IL1RAPL2: variants seen among roughly 807,000 people sequenced by gnomAD.
IL1RAPL2 encodes the protein interleukin 1 receptor accessory protein like 2.
A neutral mutation model predicts 44.1 loss-of-function variants in IL1RAPL2; 3 were observed. That is an observed-to-expected ratio of 0.07 (90% CI 0.03 to 0.18). The LOEUF (loss-of-function observed/expected upper bound fraction) is 0.18. Among genes scored for constraint, IL1RAPL2 ranks in the 10% least tolerant of loss-of-function variants. The probability of loss-of-function intolerance (pLI) is 1.00; values close to 1 mark genes in which losing one functional copy is unlikely to be tolerated. For synonymous variants in IL1RAPL2, 181 were observed against 178.8 expected (o/e 1.01, Z -0.10); for missense variants, 391 against 496.4 (o/e 0.79, Z 2.02).
intron 1 of IL1RAPL2, among the ~76,000 whole-genome samples, chrX:104,641,770 C>G (rs760200736): frequency 8.9e-6 from 1 of 111,910 alleles, no homozygotes; most frequent in African/African-American, 3.2e-5. Context: ...GTGGAATGCT[C>G]CCAGCTTGCT....
chrX:104,603,355 G>A (rs767539266), intron 1 of IL1RAPL2, among the ~76,000 whole-genome samples: 2 of 111,686 alleles, frequency 1.8e-5, no homozygotes, highest in South Asian at 3.8e-4. Flanking sequence ...AGAAACCAGT[G>A]CAAAATGGCT....
chrX:105,585,351 T>G (rs1602478067), intron 6 of IL1RAPL2, among the ~76,000 whole-genome samples: 1 of 110,058 alleles, frequency 9.1e-6, no homozygotes, highest in East Asian at 2.9e-4. Flanking sequence ...GGATGCAGTT[T>G]TTTTATTACT....
At chrX:104,897,822 G>A (rs1239783068) in intron 2 of IL1RAPL2, among the ~76,000 whole-genome samples, 2 of 111,999 alleles carry the variant, frequency 1.8e-5, no homozygotes, top group African/African-American at 6.5e-5. Flanking sequence ...ACTTTTATAA[G>A]TCAGATTCTA....
At chrX:105,689,690 C>T (rs1377068072) in intron 6 of IL1RAPL2, among the ~76,000 whole-genome samples, 1 of 112,024 alleles carries the variant, frequency 8.9e-6, no homozygotes, top group Non-Finnish European at 1.9e-5. Context: ...ACTAGAATTA[C>T]CATTTGACCC....
intron 6 of IL1RAPL2, among the ~76,000 whole-genome samples, chrX:105,574,861 T>C (rs2037039658): frequency 9.0e-6 from 1 of 111,154 alleles, no homozygotes; most frequent in African/African-American, 3.3e-5. Flanking sequence ...TTGCCAGATA[T>C]GTGGTGGGAA....
At chrX:105,560,998 G>A (rs779389169) in intron 6 of IL1RAPL2, among the ~76,000 whole-genome samples, 7 of 111,357 alleles carry the variant, frequency 6.3e-5, no homozygotes, top group Admixed American at 1.9e-4. Flanking sequence ...GAACATGGAG[G>A]ATATTACGTT....
At chrX:104,804,918 TAGAAG>T (rs1282262296) in intron 2 of IL1RAPL2, among the ~76,000 whole-genome samples, 1 of 111,993 alleles carries the variant, frequency 8.9e-6, no homozygotes, top group African/African-American at 3.2e-5. Flanking sequence ...AAGGCAATAA[TAGAAG>T]AGGTGTCATG....
intron 2 of IL1RAPL2, among the ~76,000 whole-genome samples, chrX:104,977,520 G>C (rs1177286009): frequency 1.8e-5 from 2 of 111,790 alleles, no homozygotes; most frequent in East Asian, 5.6e-4. Context: ...CATCGCCACT[G>C]TCTCACCATC....
intron 2 of IL1RAPL2, among the ~76,000 whole-genome samples, chrX:104,823,798 G>A (rs1921375269): frequency 8.9e-6 from 1 of 111,861 alleles, no homozygotes; most frequent in Non-Finnish European, 1.9e-5. Context: ...CTGAGACAAT[G>A]GTGTTTTCTA....
intron 2 of IL1RAPL2, among the ~76,000 whole-genome samples, chrX:104,868,640 G>A (rs1478585951): frequency 8.9e-6 from 1 of 112,329 alleles, no homozygotes; most frequent in Non-Finnish European, 1.9e-5. Context: ...TTCTGTGGCA[G>A]TAGAAATTTG....
intron 7 of IL1RAPL2, among the ~76,000 whole-genome samples, chrX:105,719,213 A>G (rs1336360009): frequency 4.5e-5 from 5 of 111,836 alleles, no homozygotes; most frequent in Non-Finnish European, 9.4e-5. Context: ...ATTTAACCAT[A>G]AAAAACGAAA....
intron 6 of IL1RAPL2, among the ~76,000 whole-genome samples, chrX:105,633,419 A>G (rs1384980000): frequency 8.9e-6 from 1 of 111,763 alleles, no homozygotes; most frequent in Admixed American, 9.5e-5. Flanking sequence ...GTCTAATTGC[A>G]TACTGATTTC....
At position 105,349,577 on chromosome X, in the gene IL1RAPL2, A is replaced by C. The variant is rs772160826; in HGVS notation, c.697+82036A>C. 7.2e-5 allele frequency among the ~76,000 whole-genome samples: 8 copies of C among 111,683 alleles called. No homozygotes were observed. The East Asian group carries it at 2.3e-3, about 32-fold the overall frequency. ...GATGACCCACTCATTCTATTTTGTA[A>C]TTTTCTTTTGAAAGGTTTGGGGCAG... On this transcript the variant is annotated intron_variant, in intron 5 of 10. Coordinates refer to ENST00000372582, the MANE Select transcript of IL1RAPL2 (RefSeq NM_017416.2).
intron 2 of IL1RAPL2, among the ~76,000 whole-genome samples, chrX:105,168,422 T>C (rs1444512630): frequency 2.7e-5 from 1 of 36,690 alleles, no homozygotes; most frequent in Admixed American, 5.4e-4. Flanking sequence ...GAGGTGTGTG[T>C]GTGTGTGTGT....
intron 2 of IL1RAPL2, among the ~76,000 whole-genome samples, chrX:104,931,994 AT>A (rs1924915673): frequency 1.7e-5 from 1 of 57,832 alleles, no homozygotes; most frequent in South Asian, 7.2e-4. Flanking sequence ...ATATATATAT[AT>A]ATTTTTTTTT....
chrX:105,163,039 T>C (rs1281348956), intron 2 of IL1RAPL2, among the ~76,000 whole-genome samples: 1 of 111,846 alleles, frequency 8.9e-6, no homozygotes, highest in Non-Finnish European at 1.9e-5. Context: ...CTTTAACTTC[T>C]AGATCAGCTA....
intron 6 of IL1RAPL2, among the ~76,000 whole-genome samples, chrX:105,530,981 A>G (rs1422217236): frequency 9.0e-6 from 1 of 111,719 alleles, no homozygotes; most frequent in Non-Finnish European, 1.9e-5. Context: ...TTATCCATTC[A>G]TCTGTTGATG....
chrX:104,873,476 C>T (rs190223997), intron 2 of IL1RAPL2, among the ~76,000 whole-genome samples: 9 of 111,662 alleles, frequency 8.1e-5, no homozygotes, highest in Non-Finnish European at 1.1e-4. Flanking sequence ...ATGATCTCAC[C>T]GGCTTACCAA....
intron 6 of IL1RAPL2, among the ~76,000 whole-genome samples, chrX:105,686,607 C>T (rs1411257872): frequency 9.1e-6 from 1 of 110,365 alleles, no homozygotes; most frequent in Non-Finnish European, 1.9e-5. Flanking sequence ...GACTTAGATG[C>T]CCACACAATA....
Sources: allele counts gnomAD v4.1 joint callset (sites outside exome capture counted in the v4.1 genomes callset), GRCh38; gene constraint gnomAD v4.1.1; transcripts MANE v1.5; gene names NCBI Gene and HGNC (gene_info 2026-07-23, HGNC 2026-07-21).